Variants in TRHDE observed in about 807,000 individuals in gnomAD.
The protein encoded by TRHDE is thyrotropin-releasing hormone-degrading ectoenzyme.
In TRHDE, 72 loss-of-function variants were observed where a neutral mutation model predicts 125.7. That is an observed-to-expected ratio of 0.57 (90% CI 0.47 to 0.70). The LOEUF (loss-of-function observed/expected upper bound fraction) is 0.70, where lower values mean the gene tolerates loss of function less well. Ranked by LOEUF, TRHDE falls within the 30% of genes least tolerant of loss-of-function variation. The probability of loss-of-function intolerance (pLI) is 0.00; values close to 1 mark genes in which losing one functional copy is unlikely to be tolerated. For synonymous variants in TRHDE, 509 were observed against 509.1 expected (o/e 1.00, Z 0.00); for missense variants, 1,110 against 1,327.1 (o/e 0.84, Z 2.54).
chr12:72,402,149 C>A (rs931857793), intron 3 of TRHDE, among the ~76,000 whole-genome samples: 1 of 151,932 alleles, frequency 6.6e-6, no homozygotes, highest in African/African-American at 2.4e-5. Context: ...CTTTTGAGGG[C>A]TGTGAGGAAT....
chr12:72,094,824 TG>T (rs1298893793), intron 1 of TRHDE, among the ~76,000 whole-genome samples: 1 of 152,236 alleles, frequency 6.6e-6, no homozygotes, highest in Non-Finnish European at 1.5e-5. Context: ...CACCTGGGCA[TG>T]GGTCTGCCCT....
At chr12:72,253,072 G>C (rs1174751901) in intron 2 of TRHDE, among the ~76,000 whole-genome samples, 2 of 151,956 alleles carry the variant, frequency 1.3e-5, no homozygotes, top group African/African-American at 4.8e-5. Context: ...ACATCATTTT[G>C]TTATAACTTT....
chr12:72,184,441 G>A (rs1877160134), intron 2 of TRHDE, among the ~76,000 whole-genome samples: 1 of 152,108 alleles, frequency 6.6e-6, no homozygotes, highest in Admixed American at 6.5e-5. Flanking sequence ...AGAGGTTTCT[G>A]ATGTTTTTTA....
chr12:72,150,795 T>A (rs1439117186), intron 2 of TRHDE, among the ~76,000 whole-genome samples: 3 of 152,056 alleles, frequency 2.0e-5, no homozygotes, highest in African/African-American at 7.2e-5. Flanking sequence ...ATCCAGTCTA[T>A]CATTGTTGGA....
chr12:72,216,342 G>A lies in TRHDE; in HGVS notation n.279+110590G>A, dbSNP rs374247554. ...ACCCATTATTTCACTTTATTCTTAT[G>A]AAATCCTTTTGGTAGATGTAGGGCT... On this transcript the variant is annotated intron_variant and non_coding_transcript_variant, in intron 2 of 4. Transcript: ENST00000548156. 2.1e-4 allele frequency among the ~76,000 whole-genome samples: 32 copies of A among 152,212 alleles called. No homozygotes were observed. The South Asian group carries it at 6.4e-3, about 31-fold the overall frequency.
chr12:72,334,619 T>G (rs1447356150), intron 2 of TRHDE, among the ~76,000 whole-genome samples: 1 of 152,198 alleles, frequency 6.6e-6, no homozygotes, highest in Non-Finnish European at 1.5e-5. Flanking sequence ...GCAAATGCCC[T>G]TGTAGCTCTT....
intron 15 of TRHDE, among the ~76,000 whole-genome samples, chr12:72,635,970 T>G (rs1873726977): frequency 6.6e-6 from 1 of 151,638 alleles, no homozygotes; most frequent in African/African-American, 2.4e-5. Context: ...GGCTTAGGAT[T>G]GACTTGGCGA....
chr12:72,119,923 T>G (rs1400838049), intron 2 of TRHDE, among the ~76,000 whole-genome samples: 1 of 152,192 alleles, frequency 6.6e-6, no homozygotes, highest in Non-Finnish European at 1.5e-5. Flanking sequence ...TCTTTATAGG[T>G]GAAGTATGTT....
At chr12:72,619,346 G>C (rs1238310548) in intron 13 of TRHDE, among the ~76,000 whole-genome samples, 1 of 152,110 alleles carries the variant, frequency 6.6e-6, no homozygotes, top group Non-Finnish European at 1.5e-5. Context: ...TGTTCACAAA[G>C]GACTTAACCT....
intron 2 of TRHDE, chr12:72,140,231 G>A (rs1390474618): frequency 6.6e-6 from 1 of 152,122 alleles, no homozygotes; most frequent in Middle Eastern, 3.2e-3. Context: ...TATTCTCTCT[G>A]AAGCCTTCAT....
chr12:72,604,632 CTAATA>C (rs1197149207), intron 12 of TRHDE, among the ~76,000 whole-genome samples: 1 of 151,856 alleles, frequency 6.6e-6, no homozygotes, highest in Non-Finnish European at 1.5e-5. Flanking sequence ...TATTCTTAAA[CTAATA>C]TAATTCTTAT....
chr12:72,354,915 G>T (rs1224976656), intron 2 of TRHDE, among the ~76,000 whole-genome samples: 1 of 151,352 alleles, frequency 6.6e-6, no homozygotes, highest in African/African-American at 2.4e-5. Flanking sequence ...TGTTAATCAT[G>T]TCAAATGTGA....
intron 2 of TRHDE, among the ~76,000 whole-genome samples, chr12:72,357,913 G>A (rs1416756171): frequency 2.6e-5 from 4 of 151,268 alleles, no homozygotes; most frequent in African/African-American, 7.3e-5. Flanking sequence ...TGGCAATAAA[G>A]TTAGATCTCA....
At chr12:72,649,001 TC>T in intron 15 of TRHDE, among the ~76,000 whole-genome samples, 1 of 152,072 alleles carries the variant, frequency 6.6e-6, no homozygotes, top group East Asian at 1.9e-4. Context: ...TAATGCAATT[TC>T]TATCAAAATT....
chr12:72,119,520 G>T (rs192509399), intron 2 of TRHDE, among the ~76,000 whole-genome samples: 5 of 152,248 alleles, frequency 3.3e-5, no homozygotes, highest in African/African-American at 9.6e-5. Flanking sequence ...GCAACTGTTG[G>T]ATGATATGTT....
At chr12:72,106,021 A>C (rs1404554980) in intron 2 of TRHDE, among the ~76,000 whole-genome samples, 1 of 152,096 alleles carries the variant, frequency 6.6e-6, no homozygotes, top group Non-Finnish European at 1.5e-5. Context: ...TTGCTGCCTG[A>C]ACATTAATGT....
chr12:72,596,386 A>G (rs1187779993), intron 12 of TRHDE, among the ~76,000 whole-genome samples: 1 of 152,168 alleles, frequency 6.6e-6, no homozygotes, highest in Non-Finnish European at 1.5e-5. Flanking sequence ...ATAAATGTTT[A>G]TGAGGACTCC....
intron 11 of TRHDE, 34 bp from the exon 12 acceptor site, chr12:72,575,453 A>G: frequency 1.2e-6 from 2 of 1,613,420 alleles, no homozygotes; most frequent in Non-Finnish European, 1.7e-6. Flanking sequence ...TTTTAATCCT[A>G]AATTATCCTA....
At chr12:72,626,275 C>T (rs191625741) in intron 15 of TRHDE, among the ~76,000 whole-genome samples, 6 of 152,032 alleles carry the variant, frequency 3.9e-5, no homozygotes, top group African/African-American at 1.4e-4. Context: ...AATCATATTA[C>T]TAACCACACA....
Sources: allele counts gnomAD v4.1 joint callset (sites outside exome capture counted in the v4.1 genomes callset), GRCh38; gene constraint gnomAD v4.1.1; transcripts MANE v1.5; gene names NCBI Gene and HGNC (gene_info 2026-07-23, HGNC 2026-07-21).